The following ERC2 variants were observed in gnomAD, a reference collection of about 807,000 sequenced individuals.
The protein encoded by ERC2 is ELKS/RAB6-interacting/CAST family member 2, also known as ERC protein 2.
ERC2 carries 42 observed loss-of-function variants against 114.8 expected under a neutral mutation model. The observed-to-expected ratio is 0.37, with a 90% CI of 0.29 to 0.47. The LOEUF (loss-of-function observed/expected upper bound fraction) is 0.47, where lower values mean the gene tolerates loss of function less well. ERC2 is among the 20% of genes least tolerant of loss of function. The pLI, the probability that ERC2 is intolerant of heterozygous loss-of-function variation, is 0.99. For synonymous variants in ERC2, 454 were observed against 425.5 expected (o/e 1.07, Z -0.82); for missense variants, 939 against 1,150.7 (o/e 0.82, Z 2.66).
chr3:55,664,984 G>A (rs1341610534), intron 17 of ERC2, among the ~76,000 whole-genome samples: 3 of 152,104 alleles, frequency 2.0e-5, no homozygotes, highest in African/African-American at 7.2e-5. Context: ...AAATAATGGG[G>A]ATAATAATAA....
chr3:55,878,080 G>A (rs188716793), intron 14 of ERC2, among the ~76,000 whole-genome samples: 2 of 152,264 alleles, frequency 1.3e-5, no homozygotes, highest in East Asian at 3.9e-4. Context: ...TAGCCCCCAT[G>A]CGGCTGCTGT....
At chr3:56,352,275 G>A (rs527330471) in intron 2 of ERC2, among the ~76,000 whole-genome samples, 9 of 152,328 alleles carry the variant, frequency 5.9e-5, no homozygotes, top group African/African-American at 2.2e-4. Context: ...CTAAGGTGGG[G>A]ATGGGGGAAA....
chr3:56,033,770 C>T (rs1030415839), intron 7 of ERC2, among the ~76,000 whole-genome samples: 1 of 152,034 alleles, frequency 6.6e-6, no homozygotes, highest in Non-Finnish European at 1.5e-5. Context: ...TGTAATCATC[C>T]CTCTCAGCCT....
intron 14 of ERC2, among the ~76,000 whole-genome samples, chr3:55,810,465 C>CTTTTTTTTTTTTTTT (rs11318195): frequency 4.1e-5 from 6 of 146,472 alleles, no homozygotes; most frequent in African/African-American, 1.0e-4. Context: ...CTCTCTCCCT[C>CTTTTTTTTTTTTTTT]TTTTTTTTTT....
In ERC2 at chr3:55,883,539, T is replaced by C. The variant is rs1175154881; in HGVS notation, c.2564+4850A>G. Among the ~76,000 whole-genome samples, 4 of 143,968 alleles carry C rather than the reference T, an allele frequency of 2.8e-5. No homozygotes were observed. In the East Asian group the frequency reaches 8.3e-4, roughly 30 times the overall value. The allele number at this position is 143,968 out of a possible 152,430, so 94.4% of individuals were successfully genotyped here. On this transcript the variant is annotated intron_variant, in intron 14 of 17. Transcript: ENST00000288221. ...TAATAAAAGTGGATATAATTAAACATACACACACACACACACACACACACA... is the reference window on the plus strand; with the variant it reads ...TAATAAAAGTGGATATAATTAAACACACACACACACACACACACACACACA...
intron 7 of ERC2, among the ~76,000 whole-genome samples, chr3:56,037,083 A>G (rs575651605): frequency 2.0e-5 from 3 of 152,242 alleles, no homozygotes. Context: ...ATAAGCTTAC[A>G]AAGATGAGAA....
At chr3:55,702,825 C>T (rs1012309434) in intron 15 of ERC2, among the ~76,000 whole-genome samples, 1 of 152,108 alleles carries the variant, frequency 6.6e-6, no homozygotes, top group African/African-American at 2.4e-5. Context: ...ATCTTCTGGG[C>T]AGGCAAAACT....
intron 2 of ERC2, among the ~76,000 whole-genome samples, chr3:56,338,390 A>G (rs1336118747): frequency 1.3e-5 from 2 of 152,214 alleles, no homozygotes; most frequent in Non-Finnish European, 2.9e-5. Flanking sequence ...ACTGTGGTCT[A>G]TGCAGTTAGC....
chr3:56,189,191 C>A (rs185429505), intron 3 of ERC2, among the ~76,000 whole-genome samples: 16 of 152,196 alleles, frequency 1.1e-4, no homozygotes, highest in African/African-American at 3.6e-4. Context: ...CACAGCATAA[C>A]CTCCACAGAA....
intron 15 of ERC2, among the ~76,000 whole-genome samples, chr3:55,710,483 T>C (rs771412383): frequency 1.3e-5 from 2 of 152,162 alleles, no homozygotes; most frequent in Non-Finnish European, 2.9e-5. Flanking sequence ...TTGAGTCATA[T>C]GGTTGTTTTT....
chr3:56,038,389 T>C (rs368939328), intron 7 of ERC2, among the ~76,000 whole-genome samples: 27 of 152,186 alleles, frequency 1.8e-4, no homozygotes, highest in African/African-American at 6.3e-4. Flanking sequence ...TGAGATACTA[T>C]CTCACGCCAG....
rs969709431 is a variant in ERC2, at chr3:56,366,463, G to C, written c.657+67888C>G. Among the ~76,000 whole-genome samples, 33 of 152,310 alleles carry C rather than the reference G, an allele frequency of 2.2e-4. 1 individual carries two copies. The highest frequency in any genetic ancestry group is 2.1e-4 in the South Asian group (1 of 4,824). ...AGTCTTAACCAGGAGTGGCACCCAT[G>C]AGGCCCCTTGTGCCTTGCTGTTTGC... On this transcript the variant is annotated intron_variant, in intron 2 of 17. Coordinates refer to ENST00000288221, the MANE Select transcript of ERC2 (RefSeq NM_015576.3).
chr3:55,560,429 C>T (rs927709333), intron 17 of ERC2, among the ~76,000 whole-genome samples: 1 of 152,200 alleles, frequency 6.6e-6, no homozygotes, highest in African/African-American at 2.4e-5. Flanking sequence ...ACCTTGGTCT[C>T]CTGGAGCCCT....
intron 2 of ERC2, among the ~76,000 whole-genome samples, chr3:56,415,958 T>C (rs1559471712): frequency 6.6e-6 from 1 of 152,238 alleles, no homozygotes; most frequent in Non-Finnish European, 1.5e-5. Context: ...GACTTTCTTT[T>C]GTCACCAAAG....
At chr3:55,702,601 CAT>C (rs2063286953) in intron 15 of ERC2, among the ~76,000 whole-genome samples, 1 of 152,020 alleles carries the variant, frequency 6.6e-6, no homozygotes, top group Non-Finnish European at 1.5e-5. Flanking sequence ...CCGGTTTACA[CAT>C]AGACAAGGGT....
chr3:56,248,125 C>T (rs754149393), intron 3 of ERC2, among the ~76,000 whole-genome samples: 1 of 152,036 alleles, frequency 6.6e-6, no homozygotes, highest in Non-Finnish European at 1.5e-5. Context: ...AGTCTTGCTC[C>T]GTTGCCTAGG....
chr3:55,568,895 C>T (rs925887551), intron 17 of ERC2, among the ~76,000 whole-genome samples: 1 of 152,156 alleles, frequency 6.6e-6, no homozygotes, highest in Admixed American at 6.5e-5. Flanking sequence ...TATCCTCGCT[C>T]CACTCATGTC....
chr3:55,908,838 G>A (rs1223743090), intron 13 of ERC2, among the ~76,000 whole-genome samples: 1 of 152,160 alleles, frequency 6.6e-6, no homozygotes, highest in Non-Finnish European at 1.5e-5. Flanking sequence ...AGGGTCACGT[G>A]CCTGCCCCAA....
At chr3:55,600,352 A>T (rs954071094) in intron 17 of ERC2, among the ~76,000 whole-genome samples, 1 of 152,198 alleles carries the variant, frequency 6.6e-6, no homozygotes, top group Non-Finnish European at 1.5e-5. Flanking sequence ...TGACTTGTTG[A>T]TGTAAAGAAA....
Sources: gnomAD v4.1 joint callset for allele counts (sites outside exome capture counted in the v4.1 genomes callset) on GRCh38, gnomAD v4.1.1 for gene constraint, MANE v1.5 for transcripts, NCBI Gene and HGNC (gene_info 2026-07-23, HGNC 2026-07-21) for gene names.